Variants in PARP11 observed in about 807,000 individuals in gnomAD.
PARP11 encodes poly(ADP-ribose) polymerase family member 11, also known as protein mono-ADP-ribosyltransferase PARP11.
In PARP11, 31 loss-of-function variants were observed where a neutral mutation model predicts 42.9. The observed-to-expected ratio is 0.72, with a 90% CI of 0.54 to 0.98. The LOEUF is 0.98. Among genes scored for constraint, PARP11 ranks in the 50% least tolerant of loss-of-function variants. The pLI, the probability that PARP11 is intolerant of heterozygous loss-of-function variation, is 0.00. For missense variants in PARP11, 365 were observed against 413.1 expected (o/e 0.88, Z 1.01); for synonymous variants, 137 against 127.3 (o/e 1.08, Z -0.51).
At chr12:3,847,799 A>T (rs974902956) in intron 1 of PARP11, among the ~76,000 whole-genome samples, 1 of 152,222 alleles carries the variant, frequency 6.6e-6, no homozygotes, top group Non-Finnish European at 1.5e-5. Flanking sequence ...GTTACTCAAC[A>T]TGATATTGGA....
rs971496327 is a variant in PARP11 at position 3,861,807 on chromosome 12, G to A, written c.18+11405C>T. On this transcript the variant is annotated intron_variant, in intron 1 of 7. Transcript: ENST00000228820. This position sits in a 1 kb window ranked among gnomAD's most constrained non-coding sequence, Gnocchi z 4.6. ...TGGGAGGCCGAGGCGGGCGGATCAC[G>A]AGGTCAGGAGATTGAGACCATCCTG... Among the ~76,000 whole-genome samples, 2 of 151,956 alleles carry A rather than the reference G, an allele frequency of 1.3e-5. No homozygotes were observed. The highest frequency in any genetic ancestry group is 2.1e-4 in the South Asian group (1 of 4,814).
intron 1 of PARP11, among the ~76,000 whole-genome samples, chr12:3,866,352 A>G (rs1425909107): frequency 6.6e-6 from 1 of 151,978 alleles, no homozygotes; most frequent in African/African-American, 2.4e-5. Context: ...TAACTTTTAG[A>G]GTTTCTCATG....
Position 3,812,355 on chromosome 12 carries a change from C to A in PARP11, c.785G>T (p.Gly262Val), listed in dbSNP as rs376430479. The change falls in exon 8 of 8, where the codon GGT becomes GTT. Residue 262 changes from glycine (G) to valine (V), a missense_variant. Coordinates refer to ENST00000228820, the MANE Select transcript of PARP11 (RefSeq NM_020367.6). The part of the protein sequence containing the change: ...IKHGNTFQIH[G>V]VSLQQRHLFR... ...CAGATGCCGCTGTTGCAAGCTGACA[C>A]CATGAATTTGGAATGTGTTCCCATG... The A allele has an allele frequency of 1.2e-6, 2 of 1,614,140 alleles. No individual in the cohort carries two copies. Among genetic ancestry groups the A allele is most frequent in the South Asian group, 2.2e-5 (2 of 91,074 alleles).
Position 3,873,278 on chromosome 12 carries a change from C to T in PARP11, c.-49G>A, listed in dbSNP as rs1171116701. 2.1e-5 allele frequency: 33 copies of T among 1,543,730 alleles called. No homozygotes were observed. The highest frequency in any genetic ancestry group is 2.8e-5 in the Non-Finnish European group (32 of 1,141,294). ...AGAGCCTGTGGGAAGGGGCTAGCCG[C>T]GGGGCCTGGGTGTTGGATTTTTTTT... On this transcript the variant is annotated 5_prime_UTR_variant, in exon 1 of 8. Coordinates refer to ENST00000228820, the MANE Select transcript of PARP11 (RefSeq NM_020367.6).
At chr12:3,868,988 T>C (rs1948433712) in intron 1 of PARP11, among the ~76,000 whole-genome samples, 1 of 152,216 alleles carries the variant, frequency 6.6e-6, no homozygotes, top group Non-Finnish European at 1.5e-5. Flanking sequence ...AGAATCTATT[T>C]CCGTGGTTTT....
In PARP11 at chr12:3,854,505, C is replaced by T. The variant is rs913069512; in HGVS notation, c.18+18707G>A. On this transcript the variant is annotated intron_variant, in intron 1 of 7. Coordinates refer to ENST00000228820, the MANE Select transcript of PARP11 (RefSeq NM_020367.6). The stretch of plus-strand genomic sequence containing the variant: ...AACTACCATCAGAGAATACTATGAA[C>T]ACCTCTACGCAAATAAACTAGAAAA... Among the ~76,000 whole-genome samples, 5 of 152,190 alleles carry T rather than the reference C, an allele frequency of 3.3e-5. No individual in the cohort carries two copies. The South Asian group carries it at 1.0e-3, about 31-fold the overall frequency.
intron 6 of PARP11, among the ~76,000 whole-genome samples, chr12:3,818,172 G>T (rs1947328882): frequency 6.6e-6 from 1 of 152,088 alleles, no homozygotes. Flanking sequence ...TCCCAAGACA[G>T]CTCGTTCTAC....
At chr12:3,826,635 ACTTTCATCT>A (rs1175945252) in intron 3 of PARP11, among the ~76,000 whole-genome samples, 1 of 152,240 alleles carries the variant, frequency 6.6e-6, no homozygotes, top group Non-Finnish European at 1.5e-5. Flanking sequence ...AGAAAAATGT[ACTTTCATCT>A]CTCCAAAAAT....
chr12:3,815,110 A>G, intron 6 of PARP11: 1 of 454,676 alleles, frequency 2.2e-6, no homozygotes, highest in Non-Finnish European at 4.4e-6. Flanking sequence ...TGATTGGTAG[A>G]TACATGGGAG....
chr12:3,842,101 C>A, intron 1 of PARP11: 9 of 1,609,794 alleles, frequency 5.6e-6, no homozygotes. Flanking sequence ...GAAATTGTGC[C>A]TGTTGAACTT....
At chr12:3,853,559 G>C (rs1297157107) in intron 1 of PARP11, among the ~76,000 whole-genome samples, 2 of 152,168 alleles carry the variant, frequency 1.3e-5, no homozygotes, top group Non-Finnish European at 2.9e-5. Flanking sequence ...TAATGGTAAA[G>C]GGATCAATTC....
Position 3,863,938 on chromosome 12 carries a change from G to A in PARP11, c.18+9274C>T, listed in dbSNP as rs570764815. The A allele has an allele frequency of 1.3e-4, 20 of 152,272 alleles. 1 individual carries two copies. The highest frequency in any genetic ancestry group is 4.8e-4 in the African/African-American group (20 of 41,550). 9.4% of individuals were successfully genotyped at this position (152,272 alleles called of 1,614,324 possible). Reference sequence around the variant, plus strand: ...ACAAACTGGTATAGCACGGCTCAAAGACTCGGGCATGCAAATACACTATTA... The same window carrying A: ...ACAAACTGGTATAGCACGGCTCAAAAACTCGGGCATGCAAATACACTATTA... On this transcript the variant is annotated intron_variant, in intron 1 of 7. Coordinates refer to ENST00000228820, the MANE Select transcript of PARP11 (RefSeq NM_020367.6).
intron 1 of PARP11, among the ~76,000 whole-genome samples, chr12:3,866,820 C>T (rs1948400936): frequency 6.6e-6 from 1 of 152,096 alleles, no homozygotes; most frequent in Non-Finnish European, 1.5e-5. Context: ...AAGCTATTGA[C>T]CAAAATTCTT....
At chr12:3,824,359 G>A (rs1400748909) in intron 4 of PARP11, among the ~76,000 whole-genome samples, 1 of 152,106 alleles carries the variant, frequency 6.6e-6, no homozygotes, top group African/African-American at 2.4e-5. Flanking sequence ...AATTTTCTGT[G>A]AGGGAAAAAA....
intron 1 of PARP11, among the ~76,000 whole-genome samples, chr12:3,855,945 C>A (rs951209921): frequency 6.6e-6 from 1 of 151,942 alleles, no homozygotes; most frequent in Non-Finnish European, 1.5e-5. Flanking sequence ...ACCAATGGAA[C>A]GGAACAGAAC....
intron 1 of PARP11, chr12:3,841,663 C>CTT: frequency 1.2e-6 from 2 of 1,613,586 alleles, no homozygotes; most frequent in Non-Finnish European, 1.7e-6. Flanking sequence ...TGAAGAGTCA[C>CTT]TGAGTGGCAA....
At chr12:3,852,021 A>C (rs1948105027) in intron 1 of PARP11, among the ~76,000 whole-genome samples, 1 of 152,242 alleles carries the variant, frequency 6.6e-6, no homozygotes, top group African/African-American at 2.4e-5. Flanking sequence ...AGCAAACTCC[A>C]ACAGACGTGC....
At chr12:3,860,366 C>T (rs933708541) in intron 1 of PARP11, among the ~76,000 whole-genome samples, 2 of 152,084 alleles carry the variant, frequency 1.3e-5, no homozygotes, top group Non-Finnish European at 2.9e-5. Context: ...AGAGATCATC[C>T]GGGATGCTTC....
chr12:3,832,081 A>G (rs1947653436), intron 1 of PARP11: 16 of 851,546 alleles, frequency 1.9e-5, no homozygotes, highest in Non-Finnish European at 2.1e-5. Context: ...CAGCATACAT[A>G]TAACATGTGT....
Sources: gnomAD v4.1 joint callset for allele counts (sites outside exome capture counted in the v4.1 genomes callset) on GRCh38, gnomAD v4.1.1 for gene constraint, Gnocchi (gnomAD v3.1) non-coding constraint, MANE v1.5 for transcripts, NCBI Gene and HGNC (gene_info 2026-07-23, HGNC 2026-07-21) for gene names.